Variants in UBE2D2 observed in about 807,000 individuals in gnomAD.
The protein encoded by UBE2D2 is ubiquitin conjugating enzyme E2 D2.
In UBE2D2, 2 loss-of-function variants were observed where a neutral mutation model predicts 24.2. That is an observed-to-expected ratio of 0.08 (90% confidence interval 0.03 to 0.26). The LOEUF (loss-of-function observed/expected upper bound fraction) is 0.26. UBE2D2 is among the 10% of genes least tolerant of loss of function. UBE2D2 has a pLI of 1.00. For missense variants in UBE2D2, 44 were observed against 177.6 expected (o/e 0.25, Z 4.28); for synonymous variants, 58 against 56.5 (o/e 1.03, Z -0.12).
intron 1 of UBE2D2, among the ~76,000 whole-genome samples, chr5:139,574,295 AAG>A (rs1554077807): frequency 1.3e-5 from 2 of 151,666 alleles, no homozygotes; most frequent in Admixed American, 6.6e-5. Context: ...AAAAAAAAAA[AAG>A]TAAAATTTAG....
intron 1 of UBE2D2, among the ~76,000 whole-genome samples, chr5:139,563,449 G>A (rs1156970456): frequency 6.6e-6 from 1 of 152,102 alleles, no homozygotes; most frequent in Non-Finnish European, 1.5e-5. Context: ...CGTTTAAGGG[G>A]CAGGGGAGCA....
In UBE2D2 at chr5:139,586,540, C is replaced by T. The variant is rs185537685; in HGVS notation, c.25-13832C>T. On this transcript the variant is annotated intron_variant, in intron 1 of 6. Coordinates refer to ENST00000398733, the MANE Select transcript of UBE2D2 (RefSeq NM_003339.3). The stretch of plus-strand genomic sequence containing the variant: ...CCACACTTTGGGAGGCCGAGGCGGG[C>T]GGATCACGAGGTCAGGAGATGGAGA... Among the ~76,000 whole-genome samples, 1,181 of 152,136 alleles carry T rather than the reference C, an allele frequency of 7.8e-3. 8 individuals carry two copies. Among genetic ancestry groups the T allele is most frequent in the Middle Eastern group, 0.048 (14 of 294 alleles).
At chr5:139,610,351 T>A (rs7734338) in intron 2 of UBE2D2, among the ~76,000 whole-genome samples, 1 of 151,016 alleles carries the variant, frequency 6.6e-6, no homozygotes, top group Admixed American at 6.6e-5. Context: ...GACCAGCCTG[T>A]CCAACATAGT....
At chr5:139,529,231 C>CTA (rs1037822539) in intron 1 of UBE2D2, among the ~76,000 whole-genome samples, 1 of 152,188 alleles carries the variant, frequency 6.6e-6, no homozygotes, top group African/African-American at 2.4e-5. Context: ...CCAATGTGTG[C>CTA]TATGACCCCT....
At chr5:139,553,189 A>C (rs1752943634) in intron 1 of UBE2D2, among the ~76,000 whole-genome samples, 1 of 152,196 alleles carries the variant, frequency 6.6e-6, no homozygotes, top group South Asian at 2.1e-4. Flanking sequence ...TCTTACATTT[A>C]AAAACTATAC....
At chr5:139,599,926 C>T (rs917766603) in intron 1 of UBE2D2, among the ~76,000 whole-genome samples, 3 of 151,960 alleles carry the variant, frequency 2.0e-5, no homozygotes, top group African/African-American at 7.2e-5. Context: ...GCCTCAGCCT[C>T]CTGAGTAGCT....
intron 1 of UBE2D2, among the ~76,000 whole-genome samples, chr5:139,552,482 T>G (rs190732935): frequency 1.3e-5 from 2 of 151,204 alleles, no homozygotes; most frequent in East Asian, 3.9e-4. Context: ...ATAGCTAACT[T>G]CTTTTTTTGT....
At chr5:139,572,888 C>A (rs1753383785) in intron 1 of UBE2D2, among the ~76,000 whole-genome samples, 1 of 152,024 alleles carries the variant, frequency 6.6e-6, no homozygotes, top group South Asian at 2.1e-4. Flanking sequence ...AAGTGATCCA[C>A]CCGCCTAAGC....
rs535595462 is a variant in UBE2D2 at position 139,586,622 on chromosome 5, G to A, written c.25-13750G>A. On this transcript the variant is annotated intron_variant, in intron 1 of 6. Transcript: ENST00000398733. ...CTACTAAAAATACAAAAAATTAGCC[G>A]GGCGTGGTGGTGGGTGCCTGTAGTC... is the stretch of plus-strand genomic sequence containing the variant. Among the ~76,000 whole-genome samples, 11 of 152,206 alleles carry A rather than the reference G, an allele frequency of 7.2e-5. No individual in the cohort carries two copies. The East Asian group carries it at 1.2e-3, about 16-fold the overall frequency.
chr5:139,601,391 C>T lies in UBE2D2; in HGVS notation c.88+956C>T, dbSNP rs1342871780. Among the ~76,000 whole-genome samples, 10 of 152,152 alleles carry T rather than the reference C, an allele frequency of 6.6e-5. No homozygotes were observed. In the East Asian group the frequency reaches 1.9e-3, roughly 29 times the overall value. On this transcript the variant is annotated intron_variant, in intron 2 of 6. Transcript: ENST00000398733. ...GACCGAGGCAGGTGAATCAATTGAG[C>T]CCAGGAGTTCAAGACCAGCTTGGTC...
chr5:139,589,604 A>G (rs1030069220), intron 1 of UBE2D2, among the ~76,000 whole-genome samples: 1 of 152,218 alleles, frequency 6.6e-6, no homozygotes, highest in African/African-American at 2.4e-5. Context: ...GGAAACAATT[A>G]TTGAAATGAA....
At chr5:139,606,285 C>G (rs959321662) in intron 2 of UBE2D2, among the ~76,000 whole-genome samples, 1 of 152,088 alleles carries the variant, frequency 6.6e-6, no homozygotes, top group Non-Finnish European at 1.5e-5. Context: ...TCTCCGCCTC[C>G]CAAGTAGCTG....
chr5:139,574,686 T>A (rs1753429360), intron 1 of UBE2D2, among the ~76,000 whole-genome samples: 3 of 151,232 alleles, frequency 2.0e-5, no homozygotes, highest in Non-Finnish European at 2.9e-5. Context: ...AGCATGGTAT[T>A]CTGTGTTTGC....
At chr5:139,596,134 C>T (rs1382771953) in intron 1 of UBE2D2, among the ~76,000 whole-genome samples, 3 of 151,798 alleles carry the variant, frequency 2.0e-5, no homozygotes, top group Admixed American at 6.6e-5. Flanking sequence ...CCTCATGATC[C>T]GCCCACCTCA....
intron 2 of UBE2D2, among the ~76,000 whole-genome samples, chr5:139,608,225 A>G (rs1436627865): frequency 6.6e-6 from 1 of 151,990 alleles, no homozygotes; most frequent in African/African-American, 2.4e-5. Context: ...TGAGCTCAGG[A>G]GTTTGAGACC....
intron 1 of UBE2D2, among the ~76,000 whole-genome samples, chr5:139,529,140 A>G (rs561336959): frequency 6.6e-6 from 1 of 152,316 alleles, no homozygotes; most frequent in Non-Finnish European, 1.5e-5. Context: ...TATAGTTATT[A>G]TGAATGCCTA....
At chr5:139,600,459 G>C in intron 2 of UBE2D2, 24 bp downstream of exon 2, 1 of 1,611,138 alleles carries the variant, frequency 6.2e-7, no homozygotes, top group Non-Finnish European at 8.5e-7. Context: ...AGGAATAATG[G>C]AGTAATAGCA....
chr5:139,623,706 T>A (rs1754561821), intron 6 of UBE2D2: 2 of 343,450 alleles, frequency 5.8e-6, no homozygotes, highest in African/African-American at 4.2e-5. Context: ...GTTTGTTTTT[T>A]TTTGAGACAG....
At chr5:139,548,032 C>G (rs182351994) in intron 1 of UBE2D2, among the ~76,000 whole-genome samples, 1 of 151,626 alleles carries the variant, frequency 6.6e-6, no homozygotes, top group East Asian at 2.0e-4. Context: ...GGTGTGGTGG[C>G]TCACGCCTGT....
Sources: gnomAD v4.1 joint callset for allele counts (sites outside exome capture counted in the v4.1 genomes callset) on GRCh38, gnomAD v4.1.1 for gene constraint, MANE v1.5 for transcripts, NCBI Gene and HGNC (gene_info 2026-07-23, HGNC 2026-07-21) for gene names.